FANCD2: variants seen among roughly 807,000 people sequenced by gnomAD.
FANCD2 encodes FA complementation group D2.
Under a neutral mutation model 192.3 loss-of-function variants are expected in FANCD2, and 131 were observed. The observed-to-expected ratio is 0.68, with a 90% CI of 0.59 to 0.79. The LOEUF is 0.79. Ranked by LOEUF, FANCD2 falls within the 30% of genes least tolerant of loss-of-function variation. The pLI, the probability that FANCD2 is intolerant of heterozygous loss-of-function variation, is 0.00. For missense variants in FANCD2, 1,508 were observed against 1,701.6 expected, an observed-to-expected ratio of 0.89 and a Z score of 2.00; for synonymous variants, 524 against 612.5, an observed-to-expected ratio of 0.86 and a Z score of 2.13.
chr3:10,053,470 A>G (rs1289494037), intron 18 of FANCD2, among the ~76,000 whole-genome samples: 1 of 152,020 alleles, frequency 6.6e-6, no homozygotes, highest in Non-Finnish European at 1.5e-5. Flanking sequence ...TGGCACATGT[A>G]TACATATGTA....
At chr3:10,059,990 A>C (rs1481424212) in intron 18 of FANCD2, among the ~76,000 whole-genome samples, 2 of 151,878 alleles carry the variant, frequency 1.3e-5, no homozygotes, top group Non-Finnish European at 2.9e-5. Context: ...CAACATGGTG[A>C]AACCCCATCT....
At chr3:10,045,281 G>A (rs978488284) in intron 14 of FANCD2, among the ~76,000 whole-genome samples, 6 of 151,864 alleles carry the variant, frequency 4.0e-5, no homozygotes, top group African/African-American at 1.2e-4. Context: ...CCATTCTCCC[G>A]CTTCAGCCTC....
chr3:10,086,273 A>G (rs1694194906), intron 33 of FANCD2, among the ~76,000 whole-genome samples: 1 of 152,174 alleles, frequency 6.6e-6, no homozygotes, highest in Non-Finnish European at 1.5e-5. Context: ...TATCACTGAT[A>G]GCCTGTTTCT....
chr3:10,067,558 G>C (rs1395180504), intron 26 of FANCD2, among the ~76,000 whole-genome samples: 1 of 152,178 alleles, frequency 6.6e-6, no homozygotes, highest in Non-Finnish European at 1.5e-5. Flanking sequence ...AGCACTTTTG[G>C]AAGCCAAGGC....
chr3:10,065,410 T>C lies in FANCD2; in HGVS notation c.2185T>C (p.Cys729Arg), dbSNP rs1303164859. ...ESGQKLVSPL[C>R]LAPYFRLLRL... ...CCTTCTCAGATTGGTGTCTCCGCTGTGCCTGGCTCCGTATTTCCGGTTACT... is the reference window on the plus strand; with the variant it reads ...CCTTCTCAGATTGGTGTCTCCGCTGCGCCTGGCTCCGTATTTCCGGTTACT... Residue 729 changes from cysteine to arginine, a missense_variant, in exon 24 of 44, where the codon TGC becomes CGC. Cys to Arg is a radical substitution (Grantham distance 180, BLOSUM62 -3). This residue lies in a region of FANCD2 where 796 missense variants were observed against 879.4 expected (regional missense o/e 0.91). Coordinates refer to ENST00000675286, the MANE Select transcript of FANCD2 (RefSeq NM_001018115.3). 2 of 1,613,594 alleles carry C rather than the reference T, an allele frequency of 1.2e-6. No individual in the cohort carries two copies. Among genetic ancestry groups the C allele is most frequent in the Non-Finnish European group, 1.7e-6 (2 of 1,179,482 alleles).
At chr3:10,062,261 TAG>T (rs1269979681) in intron 20 of FANCD2, 50 bp downstream of exon 20, 4 of 1,380,684 alleles carry the variant, frequency 2.9e-6, no homozygotes, top group African/African-American at 2.9e-5. Flanking sequence ...TTTTTTTTTT[TAG>T]AGAGTCTCGC....
chr3:10,081,329 A>G lies in FANCD2; in HGVS notation c.3106-17A>G. 9 of 1,612,600 alleles carry G rather than the reference A, an allele frequency of 5.6e-6. No individual in the cohort carries two copies. Among genetic ancestry groups the G allele is most frequent in the Non-Finnish European group, 6.8e-6 (8 of 1,178,592 alleles). ...CAATTACTGAAGCAACTGTCCTAAA[A>G]TCATTTTTATTTTTAGTGTTTAGCT... On this transcript the variant is annotated splice_polypyrimidine_tract_variant and intron_variant, in intron 31 of 43. Transcript: ENST00000675286.
chr3:10,069,031 A>C (rs1395238368), intron 26 of FANCD2, among the ~76,000 whole-genome samples: 1 of 152,194 alleles, frequency 6.6e-6, no homozygotes, highest in Non-Finnish European at 1.5e-5. Flanking sequence ...AAATTATGAA[A>C]CTACTAACAA....
chr3:10,041,636 G>A lies in FANCD2; in HGVS notation c.709G>A (p.Glu237Lys). 1 of 1,613,098 alleles carries A rather than the reference G, an allele frequency of 6.2e-7. No individual in the cohort carries two copies. Residue 237 changes from glutamate (E) to lysine (K), a missense_variant, in exon 10 of 44, where the codon GAG becomes AAG. Around this residue, in one of 5 missense-constraint regions of FANCD2, gnomAD observed 435 missense variants for 421.9 expected, o/e 1.03. Coordinates refer to ENST00000675286, the MANE Select transcript of FANCD2 (RefSeq NM_001018115.3). ...VGKELSDLLIENTSLTVPILD... is the reference protein window; with the variant it reads ...VGKELSDLLIKNTSLTVPILD... Reference sequence around the variant, plus strand: ...TACCATTCACAGTGACCTACTGATAGAGAATACTTCACTCACTGTCCCAAT... The same window carrying A: ...TACCATTCACAGTGACCTACTGATAAAGAATACTTCACTCACTGTCCCAAT...
intron 35 of FANCD2, 85 bp downstream of exon 35, chr3:10,088,627 T>A: frequency 8.8e-7 from 1 of 1,136,664 alleles, no homozygotes; most frequent in Non-Finnish European, 1.3e-6. Flanking sequence ...ACAAATGACC[T>A]TTTTAGTGGG....
intron 18 of FANCD2, among the ~76,000 whole-genome samples, chr3:10,057,458 A>T (rs2125022543): frequency 6.6e-6 from 1 of 150,754 alleles, no homozygotes; most frequent in African/African-American, 2.4e-5. Flanking sequence ...TCCGCCTCCC[A>T]GGTTCAAGTG....
chr3:10,070,049 A>T (rs1693109819), intron 26 of FANCD2, among the ~76,000 whole-genome samples: 1 of 135,226 alleles, frequency 7.4e-6, no homozygotes, highest in African/African-American at 2.9e-5. Context: ...ATCGTCTGAG[A>T]TGTGGGGAGC....
chr3:10,069,148 G>A (rs529960759), intron 26 of FANCD2, among the ~76,000 whole-genome samples: 2 of 152,136 alleles, frequency 1.3e-5, no homozygotes, highest in South Asian at 4.2e-4. Context: ...TGGACAAATG[G>A]GATCACATTA....
intron 15 of FANCD2, among the ~76,000 whole-genome samples, 178 bp downstream of exon 15, chr3:10,046,901 T>C (rs2087032119): frequency 6.6e-6 from 1 of 152,298 alleles, no homozygotes; most frequent in South Asian, 2.1e-4. Context: ...CAAACTGGCC[T>C]TCCGTATCCT....
intron 2 of FANCD2, among the ~76,000 whole-genome samples, chr3:10,028,991 G>A (rs2086524830): frequency 6.6e-6 from 1 of 152,164 alleles, no homozygotes; most frequent in Non-Finnish European, 1.5e-5. Flanking sequence ...CATCATTTAG[G>A]TGTTGAGACA....
chr3:10,100,533 G>A (rs536655675), intron 43 of FANCD2, among the ~76,000 whole-genome samples: 5 of 152,210 alleles, frequency 3.3e-5, no homozygotes, highest in South Asian at 2.1e-4. Flanking sequence ...AACCATGCCC[G>A]GCTAGTTTTT....
chr3:10,071,408 C>G (rs970336175), intron 26 of FANCD2, among the ~76,000 whole-genome samples: 7 of 152,294 alleles, frequency 4.6e-5, no homozygotes, highest in African/African-American at 1.7e-4. Context: ...TATTGCAGCA[C>G]TATTCACAAT....
intron 26 of FANCD2, among the ~76,000 whole-genome samples, chr3:10,069,515 A>G (rs1418251417): frequency 8.8e-6 from 1 of 113,170 alleles, no homozygotes; most frequent in African/African-American, 3.5e-5. Flanking sequence ...ATGCCGAGCC[A>G]AAGCTGGACT....
intron 2 of FANCD2, among the ~76,000 whole-genome samples, chr3:10,031,344 A>AC: frequency 6.6e-6 from 1 of 151,874 alleles, no homozygotes; most frequent in South Asian, 2.1e-4. Context: ...TCTACTAAAA[A>AC]TACAAAAAAT....
Sources: allele counts gnomAD v4.1 joint callset (sites outside exome capture counted in the v4.1 genomes callset), GRCh38; gene constraint gnomAD v4.1.1; regional missense constraint gnomAD v4.1.1; transcripts MANE v1.5; gene names NCBI Gene and HGNC (gene_info 2026-07-23, HGNC 2026-07-21).